WDR72: variants seen among roughly 807,000 people sequenced by gnomAD.
WDR72 encodes WD repeat domain 72.
Under a neutral mutation model 124.2 loss-of-function variants are expected in WDR72, and 120 were observed. The ratio of observed to expected loss-of-function variants is 0.97; its 90% CI spans 0.83 to 1.12. WDR72 has a LOEUF of 1.12. WDR72 is among the 50% of genes most tolerant of loss of function. The pLI is 0.00. For synonymous variants in WDR72, 452 were observed against 441.7 expected (o/e 1.02, Z -0.29); for missense variants, 1,387 against 1,278.8 (o/e 1.08, Z -1.29).
chr15:53,699,864 G>A lies in WDR72; in HGVS notation c.1651C>T (p.Leu551=). ...GGAAAAAGGTGCTTCCGGGCATGCA[G>A]GAGGCAACTCTTTCCCTCAAGGTGA... The part of the protein sequence containing the change: ...LLHLEGKSCL[L]HARKHLFPVR... Residue 551 remains leucine, a synonymous_variant, in exon 13 of 20, where the codon CTG becomes TTG. Transcript: ENST00000360509. The A allele has an allele frequency of 6.2e-7, 1 of 1,614,164 alleles. No homozygotes were observed. The highest frequency in any genetic ancestry group is 8.5e-7 in the Non-Finnish European group (1 of 1,180,034).
chr15:53,762,431 C>A (rs1448301353), upstream of WDR72, among the ~76,000 whole-genome samples: 1 of 152,156 alleles, frequency 6.6e-6, no homozygotes, highest in Non-Finnish European at 1.5e-5. Context: ...GCCTCCCCTG[C>A]TTGACTGTAA....
At chr15:53,759,017 G>A (rs2018993615) in intron 1 of WDR72, among the ~76,000 whole-genome samples, 1 of 151,846 alleles carries the variant, frequency 6.6e-6, no homozygotes, top group South Asian at 2.1e-4. Context: ...AGGGGCAAAA[G>A]TCTTGTCCCC....
chr15:53,580,210 A>T (rs1566968834), intron 18 of WDR72, among the ~76,000 whole-genome samples: 1 of 152,176 alleles, frequency 6.6e-6, no homozygotes, highest in Non-Finnish European at 1.5e-5. Context: ...GAAGTAAGAC[A>T]TAAAAATCCA....
chr15:53,651,222 G>A (rs964062752), intron 14 of WDR72, among the ~76,000 whole-genome samples: 1 of 152,106 alleles, frequency 6.6e-6, no homozygotes, highest in Non-Finnish European at 1.5e-5. Context: ...AAAGGCGGGA[G>A]AATCTCTGGT....
intron 17 of WDR72, among the ~76,000 whole-genome samples, chr15:53,602,315 C>T (rs1256901081): frequency 6.6e-6 from 1 of 152,024 alleles, no homozygotes; most frequent in Non-Finnish European, 1.5e-5. Context: ...ATACCAGAAT[C>T]TCTGGGACAA....
intron 14 of WDR72, among the ~76,000 whole-genome samples, chr15:53,648,167 T>A (rs1428352891): frequency 6.6e-6 from 1 of 152,134 alleles, no homozygotes; most frequent in Non-Finnish European, 1.5e-5. Flanking sequence ...ATAAAAGTTC[T>A]CAATATCAAA....
Position 53,624,992 on chromosome 15 carries a change from A to G in WDR72, c.1963-8749T>C, listed in dbSNP as rs1377672168. The stretch of plus-strand genomic sequence containing the variant: ...TTAGCAAAGGCTGTAGTTAATATTA[A>G]CTTTATTTTTATGTTACCTATATGC... On this transcript the variant is annotated intron_variant, in intron 14 of 19. Coordinates refer to ENST00000360509, the MANE Select transcript of WDR72 (RefSeq NM_182758.4). 4.6e-5 allele frequency among the ~76,000 whole-genome samples: 7 copies of G among 152,342 alleles called. No individual in the cohort carries two copies. In the East Asian group the frequency reaches 1.4e-3, roughly 29 times the overall value.
At chr15:53,643,694 T>C (rs567950460) in intron 14 of WDR72, among the ~76,000 whole-genome samples, 1 of 152,182 alleles carries the variant, frequency 6.6e-6, no homozygotes, top group South Asian at 2.1e-4. Context: ...TCCCAGATAT[T>C]GTTTGCTTAA....
chr15:53,594,642 AC>A (rs1443697953), intron 18 of WDR72, among the ~76,000 whole-genome samples: 13 of 146,246 alleles, frequency 8.9e-5, no homozygotes, highest in African/African-American at 3.5e-4. Flanking sequence ...AAAAAAAAAA[AC>A]TAGCTTATAA....
chr15:53,681,524 C>A (rs1282805408), intron 13 of WDR72, among the ~76,000 whole-genome samples: 1 of 152,134 alleles, frequency 6.6e-6, no homozygotes. Flanking sequence ...AAAGTGTAAT[C>A]AGACCACAGG....
At chr15:53,529,787 A>C (rs1892348736) in intron 18 of WDR72, among the ~76,000 whole-genome samples, 1 of 151,998 alleles carries the variant, frequency 6.6e-6, no homozygotes, top group Non-Finnish European at 1.5e-5. Context: ...TGTCTTACTC[A>C]AACCAGGCAT....
At chr15:53,601,966 C>G (rs188595810) in intron 17 of WDR72, among the ~76,000 whole-genome samples, 4 of 152,132 alleles carry the variant, frequency 2.6e-5, no homozygotes, top group Admixed American at 1.3e-4. Flanking sequence ...CTATTCAGGA[C>G]CTGAACTCAG....
intron 9 of WDR72, 147 bp downstream of exon 9, chr15:53,710,710 G>A: frequency 1.4e-6 from 1 of 704,116 alleles, no homozygotes; most frequent in Non-Finnish European, 2.5e-6. Context: ...GGTAGCCATT[G>A]ATAATTAAAC....
At chr15:53,731,802 C>A (rs2018210510) in intron 2 of WDR72, among the ~76,000 whole-genome samples, 1 of 151,956 alleles carries the variant, frequency 6.6e-6, no homozygotes. Flanking sequence ...CAAATGAGTA[C>A]CCACCATACC....
chr15:53,634,229 T>C (rs1005736559), intron 14 of WDR72, among the ~76,000 whole-genome samples: 2 of 152,170 alleles, frequency 1.3e-5, no homozygotes. Flanking sequence ...CCTGCTTAAC[T>C]AGGAACCTCA....
intron 13 of WDR72, among the ~76,000 whole-genome samples, chr15:53,683,191 G>T (rs74015881): frequency 6.6e-6 from 1 of 152,114 alleles, no homozygotes; most frequent in Non-Finnish European, 1.5e-5. Flanking sequence ...ACAATTTGAG[G>T]TGAGATTTGG....
chr15:53,627,132 G>C (rs1258363486), intron 14 of WDR72, among the ~76,000 whole-genome samples: 1 of 152,170 alleles, frequency 6.6e-6, no homozygotes, highest in Non-Finnish European at 1.5e-5. Context: ...CTGGCAAATA[G>C]CCCAACCAAG....
chr15:53,681,476 C>A (rs2016382115), intron 13 of WDR72, among the ~76,000 whole-genome samples: 1 of 152,040 alleles, frequency 6.6e-6, no homozygotes, highest in Non-Finnish European at 1.5e-5. Context: ...ATGCAGATAC[C>A]AGATACATAA....
chr15:53,611,857 A>G (rs16966308), intron 16 of WDR72, among the ~76,000 whole-genome samples: 21,554 of 152,030 alleles, frequency 0.14, 2,406 homozygotes, highest in African/African-American at 0.31. Flanking sequence ...AACTAAGCAC[A>G]AGTTAATTGG....
Sources: gnomAD v4.1 joint callset for allele counts (sites outside exome capture counted in the v4.1 genomes callset) on GRCh38, gnomAD v4.1.1 for gene constraint, MANE v1.5 for transcripts, NCBI Gene and HGNC (gene_info 2026-07-23, HGNC 2026-07-21) for gene names.